Variants in PPARGC1A observed in about 807,000 individuals in gnomAD.
PPARGC1A encodes peroxisome proliferator-activated receptor gamma coactivator 1-alpha.
In PPARGC1A, 25 loss-of-function variants were observed where a neutral mutation model predicts 88.7. The observed-to-expected ratio is 0.28, with a 90% CI of 0.21 to 0.39. PPARGC1A has a LOEUF of 0.39. Among genes scored for constraint, PPARGC1A ranks in the 10% least tolerant of loss-of-function variants. PPARGC1A has a pLI of 1.00. For missense variants in PPARGC1A, 880 were observed against 968.7 expected (o/e 0.91, Z 1.22); for synonymous variants, 363 against 355.6 (o/e 1.02, Z -0.24).
chr4:24,096,861 T>C, the PPARGC1A span, among the ~76,000 whole-genome samples: 5 of 152,322 alleles, frequency 3.3e-5, no homozygotes, highest in African/African-American at 1.2e-4. Context: ...AAGTTATATA[T>C]ATACGAAAAA....
the PPARGC1A span, among the ~76,000 whole-genome samples, chr4:24,158,076 T>C: frequency 7.0e-6 from 1 of 143,426 alleles, no homozygotes. Context: ...CTCCCTCCTA[T>C]GTTCACTACA....
the PPARGC1A span, among the ~76,000 whole-genome samples, chr4:24,349,440 G>A: frequency 1.3e-5 from 2 of 152,194 alleles, no homozygotes; most frequent in South Asian, 2.1e-4. Context: ...GACTAGGCGT[G>A]TCTGAGCTCA....
chr4:24,205,714 T>C, the PPARGC1A span, among the ~76,000 whole-genome samples: 5 of 152,162 alleles, frequency 3.3e-5, no homozygotes, highest in African/African-American at 1.2e-4. Flanking sequence ...ATGATCACTA[T>C]ATGGTGCAGT....
the PPARGC1A span, among the ~76,000 whole-genome samples, chr4:24,267,459 G>C: frequency 6.6e-6 from 1 of 152,152 alleles, no homozygotes; most frequent in South Asian, 2.1e-4. Flanking sequence ...AAAGGCTAAG[G>C]GTTCATTTTT....
At chr4:23,928,331 C>T in the PPARGC1A span, among the ~76,000 whole-genome samples, 1 of 152,036 alleles carries the variant, frequency 6.6e-6, no homozygotes, top group African/African-American at 2.4e-5. Flanking sequence ...AAAAGGGTAC[C>T]TGGCACAAAA....
chr4:24,074,630 T>C, the PPARGC1A span, among the ~76,000 whole-genome samples: 1 of 152,168 alleles, frequency 6.6e-6, no homozygotes, highest in Admixed American at 6.6e-5. Context: ...CCAGTCTTTC[T>C]ACAGCAAAAT....
At chr4:24,123,291 T>A in the PPARGC1A span, among the ~76,000 whole-genome samples, 31 of 152,268 alleles carry the variant, frequency 2.0e-4, no homozygotes, top group African/African-American at 7.2e-4. Context: ...TGGATTTGGA[T>A]CTTGCAGCAA....
the PPARGC1A span, among the ~76,000 whole-genome samples, chr4:24,255,031 T>C: frequency 6.6e-6 from 1 of 152,218 alleles, no homozygotes; most frequent in Non-Finnish European, 1.5e-5. Context: ...AGACTGAGCA[T>C]ATTTCAGGGG....
chr4:24,307,667 T>C, the PPARGC1A span, among the ~76,000 whole-genome samples: 1 of 152,058 alleles, frequency 6.6e-6, no homozygotes, highest in Non-Finnish European at 1.5e-5. Flanking sequence ...GGACCACAGG[T>C]ATATAAGAAG....
chr4:24,350,426 G>T, the PPARGC1A span, among the ~76,000 whole-genome samples: 2 of 152,130 alleles, frequency 1.3e-5, no homozygotes, highest in Admixed American at 6.5e-5. Flanking sequence ...CAGATTTCAG[G>T]TTAAACCTAG....
chr4:24,220,192 A>C, the PPARGC1A span, among the ~76,000 whole-genome samples: 1 of 152,272 alleles, frequency 6.6e-6, no homozygotes, highest in Non-Finnish European at 1.5e-5. Context: ...CACACCAGTC[A>C]GAATGGCTAT....
the PPARGC1A span, among the ~76,000 whole-genome samples, chr4:23,985,950 A>T: frequency 2.0e-5 from 3 of 152,046 alleles, no homozygotes; most frequent in Non-Finnish European, 4.4e-5. Context: ...GTTCTGAGAC[A>T]TAACCCCAAG....
the PPARGC1A span, among the ~76,000 whole-genome samples, chr4:24,362,493 A>T: frequency 1.3e-5 from 2 of 152,154 alleles, no homozygotes; most frequent in Non-Finnish European, 2.9e-5. Flanking sequence ...TTTTTTCTAA[A>T]GTAGGTGCAG....
chr4:24,399,974 CAGG>C, the PPARGC1A span, among the ~76,000 whole-genome samples: 2 of 151,938 alleles, frequency 1.3e-5, no homozygotes, highest in Middle Eastern at 3.4e-3. Context: ...TTAGTGGAGA[CAGG>C]GTTTCACCAT....
the PPARGC1A span, among the ~76,000 whole-genome samples, chr4:23,968,644 G>A: frequency 6.6e-6 from 1 of 152,178 alleles, no homozygotes; most frequent in Non-Finnish European, 1.5e-5. Flanking sequence ...GCCAGGTGCT[G>A]TGGCTCATGC....
chr4:24,214,862 A>C, the PPARGC1A span, among the ~76,000 whole-genome samples: 3 of 152,204 alleles, frequency 2.0e-5, no homozygotes, highest in East Asian at 5.8e-4. Context: ...AAGGAGAAAA[A>C]GGCAAAAGAT....
At chr4:23,974,460 CTAAA>C in the PPARGC1A span, among the ~76,000 whole-genome samples, 3 of 152,128 alleles carry the variant, frequency 2.0e-5, no homozygotes, top group African/African-American at 7.2e-5. Flanking sequence ...ATAAAAGGTG[CTAAA>C]TAAATATTTA....
chr4:24,007,610 T>G, the PPARGC1A span, among the ~76,000 whole-genome samples: 1 of 151,994 alleles, frequency 6.6e-6, no homozygotes, highest in African/African-American at 2.4e-5. Flanking sequence ...ATCCAAAGGT[T>G]TTTTGGCAGA....
the PPARGC1A span, among the ~76,000 whole-genome samples, chr4:24,264,891 T>A: frequency 6.6e-6 from 1 of 152,170 alleles, no homozygotes. Flanking sequence ...AGAGAAAGAC[T>A]TCATAGTGAA....
Sources: gnomAD v4.1 joint callset for allele counts (sites outside exome capture counted in the v4.1 genomes callset) on GRCh38, gnomAD v4.1.1 for gene constraint, MANE v1.5 for transcripts, NCBI Gene and HGNC (gene_info 2026-07-23, HGNC 2026-07-21) for gene names.